Variants in CFAP54 observed in about 807,000 individuals in gnomAD.
CFAP54 encodes cilia- and flagella-associated protein 54.
In CFAP54, 290 loss-of-function variants were observed where a neutral mutation model predicts 370.4. The ratio of observed to expected loss-of-function variants is 0.78; its 90% CI spans 0.71 to 0.86. CFAP54 has a LOEUF of 0.86. Ranked by LOEUF, CFAP54 falls within the 40% of genes least tolerant of loss-of-function variation. The pLI is 0.00. For missense variants in CFAP54, 3,399 were observed against 3,528.7 expected (o/e 0.96, Z 0.93); for synonymous variants, 1,206 against 1,236.5 (o/e 0.98, Z 0.52).
intron 47 of CFAP54, among the ~76,000 whole-genome samples, chr12:96,706,651 T>C (rs1957550380): frequency 6.6e-6 from 1 of 152,128 alleles, no homozygotes; most frequent in Non-Finnish European, 1.5e-5. Flanking sequence ...CCTGACTGAT[T>C]TATGCCATAA....
chr12:96,550,422 C>G (rs140528811), intron 15 of CFAP54, among the ~76,000 whole-genome samples: 5 of 152,086 alleles, frequency 3.3e-5, no homozygotes, highest in Non-Finnish European at 7.4e-5. Flanking sequence ...ACTAAAAACA[C>G]AAAAATTAGC....
At chr12:96,539,074 T>G (rs538776583) in intron 13 of CFAP54, among the ~76,000 whole-genome samples, 12 of 138,356 alleles carry the variant, frequency 8.7e-5, no homozygotes, top group African/African-American at 1.7e-4. Flanking sequence ...GTTTTTTTTT[T>G]TTTGTTTTTG....
intron 4 of CFAP54, among the ~76,000 whole-genome samples, chr12:96,510,541 G>A (rs1466657232): frequency 6.6e-6 from 1 of 152,110 alleles, no homozygotes; most frequent in Non-Finnish European, 1.5e-5. Context: ...CCCGTTACTG[G>A]CATGTTTATA....
In CFAP54 at chr12:96,704,776, AC is replaced by A; in HGVS notation, c.6510del (p.Ser2171ValfsTer11). ...FQSFDSGKLL[T>X]SKENIQAIDE... ...ATCATTTGACTCAGGAAAACTTCTT[AC>A]CAGTAAAGAAAATATACAGGTAAGG... On this transcript the variant is annotated frameshift_variant, in exon 47 of 68. Coordinates refer to ENST00000524981, the MANE Select transcript of CFAP54 (RefSeq NM_001306084.2). LOFTEE classifies it high-confidence loss of function. 1 of 1,191,956 alleles carries A rather than the reference AC, an allele frequency of 8.4e-7. No homozygotes were observed. 73.8% of individuals were successfully genotyped at this position (1,191,956 alleles called of 1,614,324 possible). A position where few individuals can be genotyped will look rare whatever the true frequency, so the allele number is the denominator to read the frequency against.
intron 33 of CFAP54, among the ~76,000 whole-genome samples, chr12:96,647,297 C>T (rs900574095): frequency 1.3e-5 from 2 of 151,140 alleles, no homozygotes; most frequent in Non-Finnish European, 3.0e-5. Flanking sequence ...CACGCTGAAA[C>T]ACTGCCTCTA....
At chr12:96,778,288 T>C (rs1183760981) in intron 60 of CFAP54, among the ~76,000 whole-genome samples, 1 of 152,234 alleles carries the variant, frequency 6.6e-6, no homozygotes, top group Non-Finnish European at 1.5e-5. Context: ...TATTAGTCTC[T>C]AGGTTTTTGT....
chr12:96,681,129 AC>A (rs1957265610), intron 40 of CFAP54, among the ~76,000 whole-genome samples: 3 of 151,266 alleles, frequency 2.0e-5, no homozygotes, highest in Non-Finnish European at 2.9e-5. Flanking sequence ...CCACACACAC[AC>A]ACAAAAAGTG....
At chr12:96,809,642 C>G (rs1958912274) in intron 63 of CFAP54, among the ~76,000 whole-genome samples, 1 of 152,062 alleles carries the variant, frequency 6.6e-6, no homozygotes, top group Non-Finnish European at 1.5e-5. Context: ...TAGTTTTTGC[C>G]TTTCATTTCC....
chr12:96,561,986 A>G (rs1024759200), intron 17 of CFAP54, among the ~76,000 whole-genome samples: 1 of 151,914 alleles, frequency 6.6e-6, no homozygotes, highest in Non-Finnish European at 1.5e-5. Flanking sequence ...GGGTTTCACC[A>G]TGTTGGCCAG....
chr12:96,701,002 A>G (rs929607480), intron 46 of CFAP54, among the ~76,000 whole-genome samples: 1 of 152,202 alleles, frequency 6.6e-6, no homozygotes, highest in Non-Finnish European at 1.5e-5. Context: ...ACTTCAGAGT[A>G]TTCCCCTAAA....
intron 35 of CFAP54, among the ~76,000 whole-genome samples, 180 bp downstream of exon 35, chr12:96,650,252 G>A (rs116478478): frequency 0.01 from 1,547 of 152,184 alleles, 31 homozygotes; most frequent in African/African-American, 0.035. Context: ...TGATACTGAG[G>A]GCATGTGTTG....
At position 96,513,808 on chromosome 12, in the gene CFAP54, C is replaced by G. The variant is rs183297907; in HGVS notation, c.798+764C>G. On this transcript the variant is annotated intron_variant, in intron 5 of 67. Transcript: ENST00000524981. Reference sequence around the variant, plus strand: ...TTTGGATGATAAACTATGGTTACCCCCTTTATGTCATGATACGGAGCTTGG... The same window carrying G: ...TTTGGATGATAAACTATGGTTACCCGCTTTATGTCATGATACGGAGCTTGG... 5.3e-5 allele frequency among the ~76,000 whole-genome samples: 8 copies of G among 152,194 alleles called. No individual in the cohort carries two copies. In the East Asian group the frequency reaches 1.4e-3, roughly 26 times the overall value.
chr12:96,820,099 G>A (rs554005280), intron 65 of CFAP54, among the ~76,000 whole-genome samples: 3 of 152,268 alleles, frequency 2.0e-5, no homozygotes, highest in Middle Eastern at 3.4e-3. Flanking sequence ...TTATGGTCTC[G>A]TGAGAGCAAT....
intron 67 of CFAP54, among the ~76,000 whole-genome samples, chr12:96,874,792 G>GCTAA (rs1960263634): frequency 6.6e-6 from 1 of 151,570 alleles, no homozygotes; most frequent in Non-Finnish European, 1.5e-5. Flanking sequence ...ACTACGCCCG[G>GCTAA]CTAACTTTTT....
At position 96,836,060 on chromosome 12, in the gene CFAP54, T is replaced by A. The variant is rs142479353; in HGVS notation, c.9171+6972T>A. On this transcript the variant is annotated intron_variant, in intron 66 of 67. Transcript: ENST00000524981. ...CCACAGCACAAGTAGGATAGTTGAC[T>A]GGAAGCAGAGGAAAAACACCTCTTT... 3.4e-3 allele frequency among the ~76,000 whole-genome samples: 523 copies of A among 152,286 alleles called. 4 individuals are homozygous for A. The highest frequency in any genetic ancestry group is 0.012 in the African/African-American group (495 of 41,538).
intron 66 of CFAP54, among the ~76,000 whole-genome samples, chr12:96,858,822 A>G (rs998764996): frequency 6.6e-6 from 1 of 152,210 alleles, no homozygotes; most frequent in African/African-American, 2.4e-5. Context: ...TACTGTCCAG[A>G]GCAATTTACA....
Position 96,522,213 on chromosome 12 carries a change from CT to C in CFAP54, c.1158+27del, listed in dbSNP as rs755961013. 787 of 1,403,432 alleles carry C rather than the reference CT, an allele frequency of 5.6e-4. 2 individuals are homozygous for C. The highest frequency in any genetic ancestry group is 7.2e-4 in the Non-Finnish European group (748 of 1,038,122). 86.9% of individuals were successfully genotyped at this position (1,403,432 alleles called of 1,614,324 possible). Reference sequence around the variant, plus strand: ...CTGTAAGTCTAAACATGTCTTCTCTCTTTAAGACTCTTTTTGCAGTATATTT... The same window carrying C: ...CTGTAAGTCTAAACATGTCTTCTCTCTTAAGACTCTTTTTGCAGTATATTT... On this transcript the variant is annotated intron_variant, in intron 8 of 67. Transcript: ENST00000524981.
intron 65 of CFAP54, among the ~76,000 whole-genome samples, chr12:96,825,735 A>C (rs1297302622): frequency 7.9e-6 from 1 of 125,850 alleles, no homozygotes; most frequent in Non-Finnish European, 1.5e-5. Flanking sequence ...TATTATATAA[A>C]TATCACATTA....
chr12:96,725,448 G>A (rs1299573295), intron 50 of CFAP54, among the ~76,000 whole-genome samples: 2 of 151,916 alleles, frequency 1.3e-5, no homozygotes, highest in Admixed American at 6.6e-5. Context: ...ATTGTGAATG[G>A]GAGTTCACTC....
Sources: gnomAD v4.1 joint callset for allele counts (sites outside exome capture counted in the v4.1 genomes callset) on GRCh38, gnomAD v4.1.1 for gene constraint, MANE v1.5 for transcripts, NCBI Gene and HGNC (gene_info 2026-07-23, HGNC 2026-07-21) for gene names.